The following HLCS variants were observed in gnomAD, a reference collection of about 807,000 sequenced individuals.
HLCS encodes holocarboxylase synthetase, also known as biotin--protein ligase.
Under a neutral mutation model 75.0 loss-of-function variants are expected in HLCS, and 53 were observed. The ratio of observed to expected loss-of-function variants is 0.71; its 90% CI spans 0.57 to 0.89. The LOEUF is 0.89. Among genes scored for constraint, HLCS ranks in the 40% least tolerant of loss-of-function variants. The probability of loss-of-function intolerance (pLI) is 0.00; values close to 1 mark genes in which losing one functional copy is unlikely to be tolerated. For synonymous variants in HLCS, 431 were observed against 428.6 expected (o/e 1.01, Z -0.07); for missense variants, 966 against 1,074.0 (o/e 0.90, Z 1.41).
At chr21:36,856,677 T>C (rs962316427) in intron 6 of HLCS, among the ~76,000 whole-genome samples, 2 of 149,804 alleles carry the variant, frequency 1.3e-5, no homozygotes, top group Non-Finnish European at 3.0e-5. Flanking sequence ...AAAAGAAAAA[T>C]AGAAGGAAGG....
chr21:36,971,824 ATCTCAAAAAAAAAAAAAAAAATGAAG>A (rs2068797936), intron 1 of HLCS: 1 of 146,766 alleles, frequency 6.8e-6, no homozygotes, highest in South Asian at 2.2e-4. Context: ...AAAAGACTCC[ATCTCAAAAAAAAAAAAAAAAATGAAG>A]AGCCATGAAA....
chr21:36,941,730 C>T (rs1022958853), intron 2 of HLCS, among the ~76,000 whole-genome samples: 7 of 152,250 alleles, frequency 4.6e-5, no homozygotes, highest in African/African-American at 7.2e-5. Context: ...ATTGGCTGGG[C>T]GCGGTGTCTC....
rs1354644667 is a variant in HLCS at position 36,761,838 on chromosome 21, CCTCGCCGG to C, written c.2122-2005_2122-1998del. ...ACATGGCCAGGGGAATGAGCCCCTGCCTCGCCGGCGGGAGGACACCTGCAGAGTTCCCA... is the reference window on the plus strand; with the variant it reads ...ACATGGCCAGGGGAATGAGCCCCTGCCGGGAGGACACCTGCAGAGTTCCCA... On this transcript the variant is annotated intron_variant, in intron 8 of 10. Coordinates refer to ENST00000674895, the MANE Select transcript of HLCS (RefSeq NM_001352514.2). 1.2e-4 allele frequency among the ~76,000 whole-genome samples: 19 copies of C among 152,338 alleles called. 1 individual carries two copies. The highest frequency in any genetic ancestry group is 2.1e-4 in the Non-Finnish European group (14 of 68,022).
At chr21:36,897,199 T>G in intron 5 of HLCS, 68 bp from the exon 6 acceptor site, 1 of 1,540,088 alleles carries the variant, frequency 6.5e-7, no homozygotes, top group East Asian at 2.2e-5. Context: ...TAGCTTTTCC[T>G]TATAATGCCA....
intron 6 of HLCS, among the ~76,000 whole-genome samples, chr21:36,797,007 T>G (rs897483225): frequency 6.6e-6 from 1 of 151,948 alleles, no homozygotes; most frequent in South Asian, 2.1e-4. Flanking sequence ...GCTGGGACTA[T>G]AGGTGCACAC....
At chr21:36,812,616 C>A (rs1037335927) in intron 6 of HLCS, among the ~76,000 whole-genome samples, 2 of 152,156 alleles carry the variant, frequency 1.3e-5, no homozygotes, top group African/African-American at 4.8e-5. Flanking sequence ...AAAACAGACA[C>A]TGTACTCTTC....
At chr21:36,968,257 G>T (rs772963842), upstream of HLCS, among the ~76,000 whole-genome samples, 96 of 152,218 alleles carry the variant, frequency 6.3e-4, no homozygotes, top group Non-Finnish European at 4.3e-4. Context: ...CTCCCAAAGT[G>T]CTGGGATTAC....
At chr21:36,956,608 T>C (rs560819000) in intron 2 of HLCS, among the ~76,000 whole-genome samples, 1 of 152,080 alleles carries the variant, frequency 6.6e-6, no homozygotes, top group South Asian at 2.1e-4. Context: ...TGGGCGCCTG[T>C]AGTCCCAGCT....
At chr21:36,914,922 C>T (rs907674744) in intron 5 of HLCS, among the ~76,000 whole-genome samples, 2 of 152,238 alleles carry the variant, frequency 1.3e-5, no homozygotes, top group African/African-American at 4.8e-5. Context: ...GAGCAGGCAG[C>T]GTGGGGGTGG....
At chr21:36,909,932 T>G (rs897571042) in intron 5 of HLCS, among the ~76,000 whole-genome samples, 3 of 152,248 alleles carry the variant, frequency 2.0e-5, no homozygotes, top group Non-Finnish European at 4.4e-5. Context: ...GAGACACATT[T>G]GCCTCATTGC....
chr21:36,772,996 A>T (rs922759827), intron 6 of HLCS, among the ~76,000 whole-genome samples: 1 of 149,884 alleles, frequency 6.7e-6, no homozygotes, highest in African/African-American at 2.4e-5. Context: ...AAAAAAAAAA[A>T]GGTGGAAGTG....
Position 36,937,064 on chromosome 21 carries a change from G to T in HLCS, c.822C>A (p.Asn274Lys), listed in dbSNP as rs1333259546. The T allele has an allele frequency of 1.9e-6, 3 of 1,614,172 alleles. No individual in the cohort carries two copies. The Admixed American group carries it at 5.0e-5, about 27-fold the overall frequency. Reference protein sequence around the residue: ...IESVKFASAENIPDLPYDYSS... With the variant: ...IESVKFASAEKIPDLPYDYSS... The stretch of plus-strand genomic sequence containing the variant: ...TATAATCGTAGGGAAGGTCTGGAAT[G>T]TTCTCGGCAGACGCAAACTTGACTG... Residue 274 changes from asparagine to lysine, a missense_variant, in exon 4 of 11, where the codon AAC becomes AAA. Transcript: ENST00000674895.
At chr21:36,932,095 T>C (rs2066673642) in intron 4 of HLCS, among the ~76,000 whole-genome samples, 2 of 152,250 alleles carry the variant, frequency 1.3e-5, no homozygotes, top group African/African-American at 4.8e-5. Flanking sequence ...CTGAGCTTCC[T>C]GGATGAGTTC....
chr21:36,791,274 C>T (rs8131510), intron 6 of HLCS, among the ~76,000 whole-genome samples: 9,695 of 152,228 alleles, frequency 0.064, 383 homozygotes, highest in South Asian at 0.16. Context: ...CCACCCCTGC[C>T]GGAGCCGAGT....
At position 36,807,966 on chromosome 21, in the gene HLCS, C is replaced by T. The variant is rs569321925; in HGVS notation, c.1893-40681G>A. ...ACTTAGTGAAGTGTATAAAATGAAA[C>T]ACTACCGTGCCACTTTAGGACTCTG... On this transcript the variant is annotated intron_variant, in intron 6 of 10. Coordinates refer to ENST00000674895, the MANE Select transcript of HLCS (RefSeq NM_001352514.2). Among the ~76,000 whole-genome samples, 19 of 151,916 alleles carry T rather than the reference C, an allele frequency of 1.3e-4. No homozygotes were observed. The South Asian group carries it at 3.3e-3, about 27-fold the overall frequency.
chr21:36,859,683 G>A (rs1461132332), intron 6 of HLCS, among the ~76,000 whole-genome samples: 1 of 152,198 alleles, frequency 6.6e-6, no homozygotes, highest in African/African-American at 2.4e-5. Context: ...GTGGTTAAAG[G>A]GCATCCAACT....
intron 6 of HLCS, among the ~76,000 whole-genome samples, chr21:36,767,554 C>T (rs1018051051): frequency 5.3e-5 from 8 of 152,142 alleles, no homozygotes; most frequent in African/African-American, 1.7e-4. Flanking sequence ...CTGCCTGAGC[C>T]GTTACTCCAT....
intron 2 of HLCS, among the ~76,000 whole-genome samples, chr21:36,953,917 A>G (rs1392215126): frequency 6.6e-6 from 1 of 152,168 alleles, no homozygotes; most frequent in Non-Finnish European, 1.5e-5. Context: ...AAAAATTCCC[A>G]TGGTCTAATG....
intron 6 of HLCS, among the ~76,000 whole-genome samples, chr21:36,849,813 G>C (rs1039484455): frequency 6.6e-5 from 10 of 152,198 alleles, no homozygotes; most frequent in African/African-American, 2.4e-4. Flanking sequence ...AATTTCTGTT[G>C]TTTGCAATCA....
Sources: gnomAD v4.1 joint callset for allele counts (sites outside exome capture counted in the v4.1 genomes callset) on GRCh38, gnomAD v4.1.1 for gene constraint, MANE v1.5 for transcripts, NCBI Gene and HGNC (gene_info 2026-07-23, HGNC 2026-07-21) for gene names.